The following KDM4B variants were observed in gnomAD, a reference collection of about 807,000 sequenced individuals.
KDM4B encodes the protein lysine-specific demethylase 4B.
In KDM4B, 32 loss-of-function variants were observed where a neutral mutation model predicts 125.2. That is an observed-to-expected ratio of 0.26 (90% CI 0.19 to 0.34). The LOEUF is 0.34. Ranked by LOEUF, KDM4B falls within the 10% of genes least tolerant of loss-of-function variation. The probability of loss-of-function intolerance (pLI) is 1.00; values close to 1 mark genes in which losing one functional copy is unlikely to be tolerated. For synonymous variants in KDM4B, 721 were observed against 677.9 expected (o/e 1.06, Z -0.99); for missense variants, 1,190 against 1,577.7 (o/e 0.75, Z 4.16).
chr19:5,130,925 C>T, intron 11 of KDM4B, 151 bp from the exon 12 acceptor site: 1 of 606,514 alleles, frequency 1.6e-6, no homozygotes, highest in Non-Finnish European at 2.8e-6. Flanking sequence ...GGCCCGAAGC[C>T]TGTGTTCTCT....
chr19:4,974,688 A>G (rs902067474), intron 1 of KDM4B, among the ~76,000 whole-genome samples: 23 of 151,034 alleles, frequency 1.5e-4, no homozygotes, highest in African/African-American at 5.6e-4. Context: ...CAGTGAGCCA[A>G]GATCACACCA....
chr19:5,120,070 C>T (rs1470710087), intron 11 of KDM4B, among the ~76,000 whole-genome samples: 2 of 152,184 alleles, frequency 1.3e-5, no homozygotes, highest in Non-Finnish European at 2.9e-5. Flanking sequence ...AGAGCAGTTA[C>T]GAGAGGCCAG....
intron 1 of KDM4B, among the ~76,000 whole-genome samples, chr19:5,007,388 C>T (rs1225079599): frequency 6.6e-6 from 1 of 152,178 alleles, no homozygotes; most frequent in African/African-American, 2.4e-5. Context: ...GAAATGTCTG[C>T]TCCATCCTTT....
At chr19:5,040,250 G>A (rs1022199808) in intron 4 of KDM4B, among the ~76,000 whole-genome samples, 5 of 152,104 alleles carry the variant, frequency 3.3e-5, no homozygotes, top group East Asian at 1.9e-4. Context: ...AGTGCATGTC[G>A]GGCGGTGTCC....
chr19:4,969,894 T>C (rs2034192661), intron 1 of KDM4B, among the ~76,000 whole-genome samples: 1 of 151,910 alleles, frequency 6.6e-6, no homozygotes, highest in Admixed American at 6.6e-5. Flanking sequence ...ATCTGGATTT[T>C]AGAAAAAAAT....
chr19:5,062,619 A>G (rs960567605), intron 6 of KDM4B, among the ~76,000 whole-genome samples: 1 of 151,430 alleles, frequency 6.6e-6, no homozygotes, highest in African/African-American at 2.4e-5. Flanking sequence ...TGTTCTGTTA[A>G]TGTTCTTTCT....
At position 5,131,113 on chromosome 19, in the gene KDM4B, G is replaced by A; in HGVS notation, c.1353G>A (p.Lys451=). 1 of 1,524,854 alleles carries A rather than the reference G, an allele frequency of 6.6e-7. No homozygotes were observed. Among genetic ancestry groups the A allele is most frequent in the Non-Finnish European group, 8.8e-7 (1 of 1,135,586 alleles). 94.5% of individuals were successfully genotyped at this position (1,524,854 alleles called of 1,614,324 possible). The change falls in exon 12 of 23, where the codon AAG becomes AAA. Residue 451 remains lysine, a synonymous_variant. Transcript: ENST00000159111. ...GRGKLRPTKA[K]SERKKKSFGL... is the part of the protein sequence containing the mutation. Reference sequence around the variant, plus strand: ...GCAAGCTGCGGCCAACCAAGGCCAAGAGCGAGCGGAAGAAGAAGAGCTTCG... The same window carrying A: ...GCAAGCTGCGGCCAACCAAGGCCAAAAGCGAGCGGAAGAAGAAGAGCTTCG...
chr19:5,038,688 G>A (rs567797710), intron 3 of KDM4B, among the ~76,000 whole-genome samples: 3 of 152,344 alleles, frequency 2.0e-5, no homozygotes, highest in African/African-American at 7.2e-5. Flanking sequence ...AGGGTGCCCC[G>A]GGCTGTGTTG....
chr19:5,048,159 C>G (rs1469908734), intron 6 of KDM4B, among the ~76,000 whole-genome samples: 2 of 152,190 alleles, frequency 1.3e-5, no homozygotes, highest in East Asian at 3.9e-4. Flanking sequence ...CGCTGCAGGC[C>G]TGTGTGCAGT....
rs146578484 is a variant in KDM4B, at chr19:5,114,042, C to G, written c.1115+3224C>G. ...GTATTCTTCCCCCTGATGGATGGGTCGCCTAAAACTGCAGCCTGGCTCCTG... is the reference window on the plus strand; with the variant it reads ...GTATTCTTCCCCCTGATGGATGGGTGGCCTAAAACTGCAGCCTGGCTCCTG... On this transcript the variant is annotated intron_variant, in intron 10 of 22. Coordinates refer to ENST00000159111, the MANE Select transcript of KDM4B (RefSeq NM_015015.3). The surrounding 1 kb of genome is among the most constrained non-coding windows in gnomAD (Gnocchi z 5.8). 4 of 1,284,698 alleles carry G rather than the reference C, an allele frequency of 3.1e-6. No homozygotes were observed. The highest frequency in any genetic ancestry group is 4.1e-6 in the Non-Finnish European group (4 of 985,850). 79.6% of individuals were successfully genotyped at this position (1,284,698 alleles called of 1,614,324 possible). A position where few individuals can be genotyped will look rare whatever the true frequency, so the allele number is the denominator to read the frequency against.
chr19:5,080,000 G>A (rs1445747525), intron 8 of KDM4B, among the ~76,000 whole-genome samples: 1 of 152,202 alleles, frequency 6.6e-6, no homozygotes, highest in Non-Finnish European at 1.5e-5. Context: ...CAGCCCTTGG[G>A]GACCCCATGT....
At chr19:5,066,564 C>T (rs1324096666) in intron 6 of KDM4B, among the ~76,000 whole-genome samples, 1 of 152,248 alleles carries the variant, frequency 6.6e-6, no homozygotes, top group East Asian at 1.9e-4. Context: ...TTGTCTCTCC[C>T]ATTGTTTTAT....
intron 6 of KDM4B, among the ~76,000 whole-genome samples, chr19:5,068,430 G>A (rs1423429318): frequency 6.6e-6 from 1 of 152,214 alleles, no homozygotes; most frequent in Non-Finnish European, 1.5e-5. Flanking sequence ...CTGGTCCCCC[G>A]TCCTGGGGTT....
At chr19:5,091,374 G>A (rs976412338) in intron 9 of KDM4B, among the ~76,000 whole-genome samples, 1 of 152,208 alleles carries the variant, frequency 6.6e-6, no homozygotes, top group African/African-American at 2.4e-5. Flanking sequence ...GGCCTGCTGT[G>A]TGCCAGCCTC....
rs2039533826 is a variant in KDM4B at position 5,131,064 on chromosome 19, C to T, written c.1316-12C>T. Reference sequence around the variant, plus strand: ...GGTTCTCCTCCCTGACCTCCCTCTCCTCTTCCCACAGAGGACGGGAGGGGC... The same window carrying T: ...GGTTCTCCTCCCTGACCTCCCTCTCTTCTTCCCACAGAGGACGGGAGGGGC... On this transcript the variant is annotated splice_polypyrimidine_tract_variant and intron_variant, in intron 11 of 22. Transcript: ENST00000159111. 1.3e-5 allele frequency: 19 copies of T among 1,497,232 alleles called. No individual in the cohort carries two copies. Among genetic ancestry groups the T allele is most frequent in the Non-Finnish European group, 1.5e-5 (17 of 1,122,126 alleles). The allele number at this position is 1,497,232 out of a possible 1,614,324, so 92.7% of individuals were successfully genotyped here. A position where few individuals can be genotyped will look rare whatever the true frequency, so the allele number is the denominator to read the frequency against.
chr19:5,052,208 A>G (rs2037249343), intron 6 of KDM4B, among the ~76,000 whole-genome samples: 1 of 152,144 alleles, frequency 6.6e-6, no homozygotes, highest in Non-Finnish European at 1.5e-5. Flanking sequence ...GGAATTTCAC[A>G]GCATCTTTTC....
rs529883102 is a variant in KDM4B at position 5,049,043 on chromosome 19, G to C, written c.626+1374G>C. Among the ~76,000 whole-genome samples, 3 of 152,282 alleles carry C rather than the reference G, an allele frequency of 2.0e-5. No homozygotes were observed. In the East Asian group the frequency reaches 5.8e-4, roughly 29 times the overall value. On this transcript the variant is annotated intron_variant, in intron 6 of 22. Transcript: ENST00000159111. ...GCTGGCTGTCGTGGGAGCCTGGGCT[G>C]GGGGAGACCCTGGGGCTGGGGCTGC... is the stretch of plus-strand genomic sequence containing the variant.
At chr19:5,099,128 C>A (rs1332545229) in intron 9 of KDM4B, among the ~76,000 whole-genome samples, 1 of 152,192 alleles carries the variant, frequency 6.6e-6, no homozygotes, top group African/African-American at 2.4e-5. Flanking sequence ...TAGCAGTGGG[C>A]AGTGGAGAGG....
chr19:5,138,233 G>A (rs2039683805), intron 18 of KDM4B, 163 bp downstream of exon 18: 1 of 600,712 alleles, frequency 1.7e-6, no homozygotes, highest in East Asian at 2.8e-5. Flanking sequence ...ACTTCAGCAG[G>A]TGTGTTATTT....
Sources: gnomAD v4.1 joint callset for allele counts (sites outside exome capture counted in the v4.1 genomes callset) on GRCh38, gnomAD v4.1.1 for gene constraint, Gnocchi (gnomAD v3.1) non-coding constraint, MANE v1.5 for transcripts, NCBI Gene and HGNC (gene_info 2026-07-23, HGNC 2026-07-21) for gene names.